The following FAM228B variants were observed in gnomAD, a reference collection of about 807,000 sequenced individuals.
FAM228B encodes the protein family with sequence similarity 228 member B, also known as protein FAM228B.
FAM228B carries 38 observed loss-of-function variants against 42.6 expected under a neutral mutation model. The observed-to-expected ratio is 0.89, with a 90% CI of 0.69 to 1.17. FAM228B has a LOEUF of 1.17. Ranked by LOEUF, FAM228B falls within the 50% of genes most tolerant of loss-of-function variation. The probability of loss-of-function intolerance (pLI) is 0.00; values close to 1 mark genes in which losing one functional copy is unlikely to be tolerated. For missense variants in FAM228B, 344 were observed against 367.3 expected (o/e 0.94, Z 0.52); for synonymous variants, 109 against 122.3 (o/e 0.89, Z 0.72).
At chr2:24,087,946 C>T (rs1665298587) in intron 2 of FAM228B, among the ~76,000 whole-genome samples, 1 of 152,082 alleles carries the variant, frequency 6.6e-6, no homozygotes, top group East Asian at 1.9e-4. Context: ...GGTTTTGCAA[C>T]AGTCCAGGCT....
rs183864349 is a variant in FAM228B, at chr2:24,150,321, G to A, written c.686+3235G>A. The stretch of plus-strand genomic sequence containing the variant: ...AAATCCCTCAGCTTTTGTTTGTCTG[G>A]AAAGGTCTTTATTTCTCCTTCATGC... On this transcript the variant is annotated intron_variant, in intron 7 of 10. Transcript: ENST00000615575. Among the ~76,000 whole-genome samples, 1,348 of 152,092 alleles carry A rather than the reference G, an allele frequency of 8.9e-3. 13 individuals carry two copies. Among genetic ancestry groups the A allele is most frequent in the Middle Eastern group, 0.027 (8 of 294 alleles).
chr2:24,103,040 C>G (rs1256833504), intron 3 of FAM228B, among the ~76,000 whole-genome samples: 1 of 152,188 alleles, frequency 6.6e-6, no homozygotes, highest in African/African-American at 2.4e-5. Flanking sequence ...TTCACTGTTT[C>G]TCACTGATAC....
chr2:24,151,520 G>C (rs550507635), intron 7 of FAM228B, among the ~76,000 whole-genome samples: 1 of 151,914 alleles, frequency 6.6e-6, no homozygotes, highest in Non-Finnish European at 1.5e-5. Flanking sequence ...TCAAACTCCT[G>C]ACGTCAGGTG....
At chr2:24,155,525 ATATATATTTTTTT>A (rs1217611468) in intron 7 of FAM228B, among the ~76,000 whole-genome samples, 288 of 48,216 alleles carry the variant, frequency 6.0e-3, no homozygotes, top group East Asian at 0.014. Context: ...ATATATATAT[ATATATATTTTTTT>A]TTTTTTTTTT....
rs796299596 is a variant in FAM228B at position 24,084,390 on chromosome 2, A to AGGGCAGGG, written c.-210+3435_-210+3436insGGGCAGGG. 83 of 1,159,840 alleles carry AGGGCAGGG rather than the reference A, an allele frequency of 7.2e-5. 3 individuals are homozygous for AGGGCAGGG. Among genetic ancestry groups the AGGGCAGGG allele is most frequent in the South Asian group, 1.5e-4 (10 of 64,974 alleles). The allele number at this position is 1,159,840 out of a possible 1,614,324, so 71.8% of individuals were successfully genotyped here. On this transcript the variant is annotated intron_variant, in intron 2 of 10. Transcript: ENST00000613899. This position sits in a 1 kb window ranked among gnomAD's most constrained non-coding sequence, Gnocchi z 8.4. ...ACAGGGCAGGGCAGGGCAGGACAGGACAGGGCAGGGCAGGACAGGACAGGG... is the reference window on the plus strand; with the variant it reads ...ACAGGGCAGGGCAGGGCAGGACAGGAGGGCAGGGCAGGGCAGGGCAGGACAGGACAGGG...
chr2:24,124,253 A>G (rs1666240783), intron 1 of FAM228B, 77 bp from the exon 2 acceptor site: 2 of 719,586 alleles, frequency 2.8e-6, no homozygotes, highest in Non-Finnish European at 4.6e-6. Context: ...CGTGTGTGCA[A>G]GGACACAGGT....
At position 24,084,101 on chromosome 2, in the gene FAM228B, C is replaced by T. The variant is rs559065950; in HGVS notation, c.-210+3146C>T. 1,950 of 1,500,656 alleles carry T rather than the reference C, an allele frequency of 1.3e-3. 6 individuals are homozygous for T. In the Middle Eastern group the frequency reaches 0.013, roughly 10 times the overall value. 93.0% of individuals were successfully genotyped at this position (1,500,656 alleles called of 1,614,324 possible). A position where few individuals can be genotyped will look rare whatever the true frequency, so the allele number is the denominator to read the frequency against. On this transcript the variant is annotated intron_variant, in intron 2 of 10. Transcript: ENST00000613899. The surrounding 1 kb of genome is among the most constrained non-coding windows in gnomAD (Gnocchi z 8.4). Reference sequence around the variant, plus strand: ...CCTGCTGGGTGTGGAGCGGTGCACGCCTTCACGTCTGGTCAATGTCCACTG... The same window carrying T: ...CCTGCTGGGTGTGGAGCGGTGCACGTCTTCACGTCTGGTCAATGTCCACTG...
At position 24,164,313 on chromosome 2, in the gene FAM228B, G is replaced by A. The variant is rs1667347547; in HGVS notation, c.910G>A (p.Glu304Lys). 1.3e-6 allele frequency: 2 copies of A among 1,550,858 alleles called. No homozygotes were observed. The highest frequency in any genetic ancestry group is 3.9e-5 in the Admixed American group (2 of 50,976). Residue 304 changes from glutamate (E) to lysine (K), a missense_variant, in exon 9 of 11, where the codon GAA becomes AAA. Physicochemically the swap from Glu to Lys is moderately conservative, Grantham distance 56. Coordinates refer to ENST00000615575, the MANE Select transcript of FAM228B (RefSeq NM_001145710.2). Reference protein sequence around the residue: ...GYFSSLSLSQEREEDQDGSPS... With the variant: ...GYFSSLSLSQKREEDQDGSPS... ...TTTTTCTTCCTTGAGCCTCAGCCAG[G>A]AACGGGAGGAAGACCAGGATGGGTA...
intron 2 of FAM228B, among the ~76,000 whole-genome samples, chr2:24,094,544 T>C (rs1665458912): frequency 6.6e-6 from 1 of 152,158 alleles, no homozygotes; most frequent in Non-Finnish European, 1.5e-5. Flanking sequence ...GAGTAAAATG[T>C]TGTGATCATA....
intron 3 of FAM228B, among the ~76,000 whole-genome samples, chr2:24,137,393 C>G (rs1666615088): frequency 6.6e-6 from 1 of 152,150 alleles, no homozygotes; most frequent in Admixed American, 6.5e-5. Context: ...TGGTTTTTCT[C>G]TCCTCTGTCT....
chr2:24,079,824 A>T (rs1200884070), intron 1 of FAM228B, among the ~76,000 whole-genome samples: 1 of 152,236 alleles, frequency 6.6e-6, no homozygotes, highest in Non-Finnish European at 1.5e-5. Context: ...GATAGCATGT[A>T]TGAAGTTCAC....
intron 3 of FAM228B, among the ~76,000 whole-genome samples, chr2:24,136,352 T>C (rs1414630461): frequency 6.6e-6 from 1 of 152,192 alleles, no homozygotes; most frequent in Non-Finnish European, 1.5e-5. Context: ...ACCTCCCAAG[T>C]AGCTGGGATT....
Position 24,167,424 on chromosome 2 carries a change from G to C in FAM228B, c.933-203G>C, listed in dbSNP as rs879378410. Among the ~76,000 whole-genome samples, 783 of 152,288 alleles carry C rather than the reference G, an allele frequency of 5.1e-3. 4 individuals carry two copies. Among genetic ancestry groups the C allele is most frequent in the Middle Eastern group, 0.01 (3 of 294 alleles). The stretch of plus-strand genomic sequence containing the variant: ...CATTGCAATCATTATAATACCGGAG[G>C]AGGATTTGTAGGGTGTGATTTTAGA... On this transcript the variant is annotated intron_variant, in intron 9 of 10. Coordinates refer to ENST00000615575, the MANE Select transcript of FAM228B (RefSeq NM_001145710.2).
chr2:24,167,983 G>C, intron 10 of FAM228B: 1 of 331,516 alleles, frequency 3.0e-6, no homozygotes, highest in South Asian at 3.4e-5. Flanking sequence ...GTTTGCTTAG[G>C]ACTGTCTCTG....
In FAM228B at chr2:24,126,922, G is replaced by A. The variant is rs991129889; in HGVS notation, c.99+2462G>A. 5.3e-5 allele frequency among the ~76,000 whole-genome samples: 8 copies of A among 152,180 alleles called. No individual in the cohort carries two copies. The East Asian group carries it at 7.7e-4, about 15-fold the overall frequency. ...TACAGGCGTGAGCCACCGGGCGCCC[G>A]GCCAAGATTCACTACTCTAAAGTGT... On this transcript the variant is annotated intron_variant, in intron 2 of 10. Transcript: ENST00000615575.
intron 2 of FAM228B, among the ~76,000 whole-genome samples, chr2:24,082,711 T>C (rs1168483021): frequency 6.6e-6 from 1 of 152,214 alleles, no homozygotes; most frequent in African/African-American, 2.4e-5. Flanking sequence ...CTCTATCTGC[T>C]AACCATGATT....
At chr2:24,094,733 T>C (rs1303836621) in intron 2 of FAM228B, among the ~76,000 whole-genome samples, 1 of 152,216 alleles carries the variant, frequency 6.6e-6, no homozygotes, top group Non-Finnish European at 1.5e-5. Context: ...TCCTCCTTCC[T>C]TGGCCTCTCT....
In FAM228B at chr2:24,124,473, T is replaced by C. The variant is rs1666250861; in HGVS notation, c.99+13T>C. 2.7e-6 allele frequency: 4 copies of C among 1,506,516 alleles called. No individual in the cohort carries two copies. In the South Asian group the frequency reaches 3.8e-5, roughly 14 times the overall value. The allele number at this position is 1,506,516 out of a possible 1,614,324, so 93.3% of individuals were successfully genotyped here. A position where few individuals can be genotyped will look rare whatever the true frequency, so the allele number is the denominator to read the frequency against. ...TTGTTTTATGGAGGTATATATCAAA[T>C]AGTGTGGGATTTGGAGATTTTTTTA... On this transcript the variant is annotated intron_variant, in intron 2 of 10. Transcript: ENST00000615575.
chr2:24,169,456 G>C lies in FAM228B; in HGVS notation c.*115G>C, dbSNP rs187885874. On this transcript the variant is annotated 3_prime_UTR_variant, in exon 11 of 11. Coordinates refer to ENST00000615575, the MANE Select transcript of FAM228B (RefSeq NM_001145710.2). This position sits in a 1 kb window ranked among gnomAD's most constrained non-coding sequence, Gnocchi z 4.2. ...AAGTCATCTGCTCACAGGAATCAGG[G>C]TGAAGGCCAAGGACGGCACTCAAGA... is the stretch of plus-strand genomic sequence containing the variant. 1 of 412,866 alleles carries C rather than the reference G, an allele frequency of 2.4e-6. No individual in the cohort carries two copies. The highest frequency in any genetic ancestry group is 2.4e-5 in the Admixed American group (1 of 41,946). 25.6% of individuals were successfully genotyped at this position (412,866 alleles called of 1,614,324 possible).
Sources: allele counts gnomAD v4.1 joint callset (sites outside exome capture counted in the v4.1 genomes callset), GRCh38; gene constraint gnomAD v4.1.1; non-coding constraint Gnocchi (gnomAD v3.1); transcripts MANE v1.5; gene names NCBI Gene and HGNC (gene_info 2026-07-23, HGNC 2026-07-21).